EEPD1: variants seen among roughly 807,000 people sequenced by gnomAD.
The protein encoded by EEPD1 is endonuclease/exonuclease/phosphatase family domain containing 1.
EEPD1 carries 17 observed loss-of-function variants against 46.3 expected under a neutral mutation model. The observed-to-expected ratio is 0.37, with a 90% CI of 0.25 to 0.55. The LOEUF is 0.55. Among genes scored for constraint, EEPD1 ranks in the 20% least tolerant of loss-of-function variants. EEPD1 has a pLI of 0.83. For missense variants in EEPD1, 673 were observed against 745.6 expected, an observed-to-expected ratio of 0.90 and a Z score of 1.13; for synonymous variants, 313 against 315.6, an observed-to-expected ratio of 0.99 and a Z score of 0.09.
At chr7:36,259,514 AT>A (rs201976570) in intron 3 of EEPD1, among the ~76,000 whole-genome samples, 4 of 151,690 alleles carry the variant, frequency 2.6e-5, no homozygotes, top group Non-Finnish European at 4.4e-5. Flanking sequence ...CATATATATA[AT>A]TTTTTTTCTT....
intron 3 of EEPD1, among the ~76,000 whole-genome samples, chr7:36,276,827 A>T (rs1380793060): frequency 6.6e-6 from 1 of 152,206 alleles, no homozygotes; most frequent in East Asian, 1.9e-4. Context: ...CAAGAACCAG[A>T]TGGGGATAGG....
chr7:36,153,830 C>T (rs1784765906), intron 1 of EEPD1, among the ~76,000 whole-genome samples, 156 bp downstream of exon 1: 1 of 152,274 alleles, frequency 6.6e-6, no homozygotes, highest in East Asian at 1.9e-4. Context: ...TGCGCGAGCC[C>T]AAGTGTGGGT....
Position 36,239,068 on chromosome 7 carries a change from A to T in EEPD1, c.930+32A>T, listed in dbSNP as rs775330124. The T allele has an allele frequency of 1.9e-6, 3 of 1,608,202 alleles. No individual in the cohort carries two copies. In the South Asian group the frequency reaches 3.3e-5, roughly 18 times the overall value. On this transcript the variant is annotated intron_variant, in intron 3 of 7. Transcript: ENST00000242108. ...ATTTTACTCTTCCTTCCACATTCAC[A>T]AACCAAGAACGGAGGGCCACACATA... is the stretch of plus-strand genomic sequence containing the variant.
chr7:36,186,499 C>G (rs972562456), intron 2 of EEPD1, among the ~76,000 whole-genome samples: 1 of 152,194 alleles, frequency 6.6e-6, no homozygotes, highest in African/African-American at 2.4e-5. Flanking sequence ...TTCTGTCAGG[C>G]TCATTCAAGG....
intron 3 of EEPD1, among the ~76,000 whole-genome samples, chr7:36,279,443 C>T (rs776183472): frequency 7.9e-5 from 12 of 152,336 alleles, no homozygotes; most frequent in Admixed American, 3.3e-4. Flanking sequence ...ATGACTAGCT[C>T]AGTACTCAGT....
intron 2 of EEPD1, among the ~76,000 whole-genome samples, chr7:36,186,050 C>T (rs982614071): frequency 6.6e-6 from 1 of 152,140 alleles, no homozygotes; most frequent in African/African-American, 2.4e-5. Flanking sequence ...ATTTCTTTCA[C>T]GTGGTATATT....
rs1784751140 is a variant in EEPD1 at position 36,153,266 on chromosome 7, G to C, written c.-601G>C. 6.6e-6 allele frequency: 1 copy of C among 152,548 alleles called. No individual in the cohort carries two copies. Among genetic ancestry groups the C allele is most frequent in the Non-Finnish European group, 1.5e-5 (1 of 68,408 alleles). The allele number at this position is 152,548 out of a possible 1,614,324, so 9.4% of individuals were successfully genotyped here. On this transcript the variant is annotated 5_prime_UTR_variant, in exon 1 of 8. Transcript: ENST00000242108. The stretch of plus-strand genomic sequence containing the variant: ...GCGGCGCGGCCGGGACTTTGGCTTT[G>C]ACACCGACTGCGAGCGGGAGCCGTG...
In EEPD1 at chr7:36,287,779, T is replaced by TAGGA; in HGVS notation, c.1315+3_1315+6dup. The TAGGA allele has an allele frequency of 6.2e-7, 1 of 1,613,356 alleles. No individual in the cohort carries two copies. On this transcript the variant is annotated splice_region_variant and intron_variant, in intron 6 of 7. Transcript: ENST00000242108. The stretch of plus-strand genomic sequence containing the variant: ...AGACCCTACAGGAAACCCTGAAAGG[T>TAGGA]AGGACATTGTCTTTTGCTGTGACTC...
intron 2 of EEPD1, among the ~76,000 whole-genome samples, chr7:36,183,115 G>A (rs143587882): frequency 2.7e-4 from 41 of 152,326 alleles, no homozygotes; most frequent in African/African-American, 9.4e-4. Flanking sequence ...TCCTGAGGCA[G>A]CTCAAAGACC....
rs867411098 is a variant in EEPD1 at position 36,154,699 on chromosome 7, C to T, written c.375C>T (p.His125=). 3.7e-6 allele frequency: 6 copies of T among 1,613,762 alleles called. No homozygotes were observed. The African/African-American group carries it at 5.3e-5, about 14-fold the overall frequency. ...ACCTGCTAGCGGAGCAGCAGCCTCA[C>T]CACCTGGCCACAGCTGTGCCCCTCA... ...RRDLLAEQQP[H]HLATAVPLTP... is the part of the protein sequence containing the mutation. The change falls in exon 2 of 8, where the codon CAC becomes CAT. Residue 125 remains histidine, a synonymous_variant. Coordinates refer to ENST00000242108, the MANE Select transcript of EEPD1 (RefSeq NM_030636.3). This position sits in a 1 kb window ranked among gnomAD's most constrained non-coding sequence, Gnocchi z 4.2.
At position 36,189,705 on chromosome 7, in the gene EEPD1, CAT is replaced by C. The variant is rs563950146; in HGVS notation, c.878+34504_878+34505del. The stretch of plus-strand genomic sequence containing the variant: ...AAGCTTCCAATAAATGAGCTACCCC[CAT>C]TTTCTTGCTGAGGGTATTTAACACC... On this transcript the variant is annotated intron_variant, in intron 2 of 7. Coordinates refer to ENST00000242108, the MANE Select transcript of EEPD1 (RefSeq NM_030636.3). Among the ~76,000 whole-genome samples the C allele has an allele frequency of 6.6e-5, 10 of 152,284 alleles. No individual in the cohort carries two copies. The East Asian group carries it at 1.7e-3, about 26-fold the overall frequency.
At chr7:36,243,064 C>T (rs1001511939) in intron 3 of EEPD1, among the ~76,000 whole-genome samples, 3 of 152,280 alleles carry the variant, frequency 2.0e-5, no homozygotes, top group East Asian at 1.9e-4. Context: ...TATAGAACTG[C>T]GCTACTCGAA....
intron 3 of EEPD1, among the ~76,000 whole-genome samples, chr7:36,244,495 G>A (rs1450456481): frequency 6.6e-6 from 1 of 152,148 alleles, no homozygotes; most frequent in East Asian, 1.9e-4. Context: ...AAAATGACCA[G>A]CCATTTGCCT....
intron 3 of EEPD1, among the ~76,000 whole-genome samples, chr7:36,248,394 A>G (rs929165862): frequency 6.6e-6 from 1 of 151,420 alleles, no homozygotes. Context: ...TTTAGTAGAG[A>G]GTTGGTTTCA....
chr7:36,154,297 C>G lies in EEPD1; in HGVS notation c.-28C>G. On this transcript the variant is annotated 5_prime_UTR_variant, in exon 2 of 8. Coordinates refer to ENST00000242108, the MANE Select transcript of EEPD1 (RefSeq NM_030636.3). This position sits in a 1 kb window ranked among gnomAD's most constrained non-coding sequence, Gnocchi z 4.2. The stretch of plus-strand genomic sequence containing the variant: ...GAGAGCTCTTCTGCAGTGGTGCGGC[C>G]TTCCCGGGAGCCTGATCCTGGCGGA... 1 of 1,591,774 alleles carries G rather than the reference C, an allele frequency of 6.3e-7. No individual in the cohort carries two copies. The highest frequency in any genetic ancestry group is 8.5e-7 in the Non-Finnish European group (1 of 1,173,492).
intron 2 of EEPD1, among the ~76,000 whole-genome samples, chr7:36,184,767 G>A (rs1190692630): frequency 6.6e-6 from 1 of 152,060 alleles, no homozygotes; most frequent in African/African-American, 2.4e-5. Context: ...GTCTCGCTCT[G>A]TCACCCAGGC....
At chr7:36,178,981 A>C (rs1174133195) in intron 2 of EEPD1, among the ~76,000 whole-genome samples, 2 of 152,228 alleles carry the variant, frequency 1.3e-5, no homozygotes, top group African/African-American at 4.8e-5. Flanking sequence ...TTGAAAAGAG[A>C]TTATGGCCTT....
intron 3 of EEPD1, among the ~76,000 whole-genome samples, chr7:36,263,559 C>A (rs778256445): frequency 4.6e-5 from 7 of 152,174 alleles, no homozygotes; most frequent in Non-Finnish European, 1.0e-4. Flanking sequence ...CTCTGGGGAT[C>A]TTCAGGGGTC....
Position 36,196,647 on chromosome 7 carries a change from C to T in EEPD1, c.878+41445C>T, listed in dbSNP as rs185925444. ...CGGACTGGTCTCCAGCTCCTAGCCG[C>T]GAGTGATCTGCCAGCCTCGGCCTCC... On this transcript the variant is annotated intron_variant, in intron 2 of 7. Coordinates refer to ENST00000242108, the MANE Select transcript of EEPD1 (RefSeq NM_030636.3). Among the ~76,000 whole-genome samples the T allele has an allele frequency of 4.6e-3, 708 of 152,364 alleles. 5 individuals carry two copies. Among genetic ancestry groups the T allele is most frequent in the African/African-American group, 0.016 (668 of 41,582 alleles).
Sources: gnomAD v4.1 joint callset for allele counts (sites outside exome capture counted in the v4.1 genomes callset) on GRCh38, gnomAD v4.1.1 for gene constraint, Gnocchi (gnomAD v3.1) non-coding constraint, MANE v1.5 for transcripts, NCBI Gene and HGNC (gene_info 2026-07-23, HGNC 2026-07-21) for gene names.